The following GRIK1 variants were observed in gnomAD, a reference collection of about 807,000 sequenced individuals.
GRIK1 encodes the protein glutamate ionotropic receptor kainate type subunit 1.
GRIK1 carries 69 observed loss-of-function variants against 105.7 expected under a neutral mutation model. The observed-to-expected ratio is 0.65, with a 90% CI of 0.54 to 0.80. GRIK1 has a LOEUF of 0.80. Ranked by LOEUF, GRIK1 falls within the 30% of genes least tolerant of loss-of-function variation. The probability of loss-of-function intolerance (pLI) is 0.00; values close to 1 mark genes in which losing one functional copy is unlikely to be tolerated. For synonymous variants in GRIK1, 438 were observed against 431.3 expected (o/e 1.02, Z -0.19); for missense variants, 1,109 against 1,167.3 (o/e 0.95, Z 0.73).
Position 29,652,388 on chromosome 21 carries a change from C to T in GRIK1, c.781-1097G>A, listed in dbSNP as rs191988409. 1.6e-4 allele frequency among the ~76,000 whole-genome samples: 25 copies of T among 152,214 alleles called. No homozygotes were observed. In the South Asian group the frequency reaches 3.5e-3, roughly 21 times the overall value. ...TGAAAAGAACTCATATCTCATACAA[C>T]GAGGGCATGAAGAATGTTCGCTGAA... is the stretch of plus-strand genomic sequence containing the variant. On this transcript the variant is annotated intron_variant, in intron 5 of 17. Transcript: ENST00000327783.
In GRIK1 at chr21:29,844,134, A is replaced by G. The variant is rs144746121; in HGVS notation, c.118+95249T>C. 1.1e-3 allele frequency among the ~76,000 whole-genome samples: 174 copies of G among 152,170 alleles called. 1 individual carries two copies. Among genetic ancestry groups the G allele is most frequent in the African/African-American group, 4.0e-3 (168 of 41,510 alleles). ...CTTAATTTGATGTTTGCTGTAATAGATATCTTTGTCATTGCATTTTTTTTC... is the reference window on the plus strand; with the variant it reads ...CTTAATTTGATGTTTGCTGTAATAGGTATCTTTGTCATTGCATTTTTTTTC... On this transcript the variant is annotated intron_variant, in intron 1 of 17. Transcript: ENST00000327783.
intron 1 of GRIK1, among the ~76,000 whole-genome samples, chr21:29,779,494 GGT>G (rs3054349): frequency 0.54 from 80,520 of 147,826 alleles, 21,772 homozygotes; most frequent in Middle Eastern, 0.63. Context: ...GCCCTTTTAT[GGT>G]GTGTGTGTGT....
chr21:29,738,862 A>G (rs902157410), intron 1 of GRIK1, among the ~76,000 whole-genome samples: 2 of 152,230 alleles, frequency 1.3e-5, no homozygotes, highest in Non-Finnish European at 2.9e-5. Context: ...GAAACTAGAT[A>G]TTGCTCTTGG....
chr21:29,656,433 T>A (rs1351475863), intron 4 of GRIK1, among the ~76,000 whole-genome samples: 1 of 147,506 alleles, frequency 6.8e-6, no homozygotes, highest in African/African-American at 2.5e-5. Context: ...CCAAGGTAGT[T>A]TTCCGCACAA....
intron 7 of GRIK1, among the ~76,000 whole-genome samples, chr21:29,620,083 C>T (rs1487837735): frequency 2.6e-5 from 4 of 152,142 alleles, no homozygotes; most frequent in African/African-American, 4.8e-5. Flanking sequence ...AGCTTGGCTC[C>T]TTATAAAGAT....
chr21:29,775,578 T>C (rs76350204), intron 1 of GRIK1, among the ~76,000 whole-genome samples: 4,784 of 152,202 alleles, frequency 0.031, 121 homozygotes, highest in Middle Eastern at 0.071. Context: ...TGAACTTCCC[T>C]TCTTCCAAAC....
intron 1 of GRIK1, among the ~76,000 whole-genome samples, chr21:29,804,517 A>G (rs1236284571): frequency 6.6e-6 from 1 of 152,200 alleles, no homozygotes. Context: ...TACAATGAAT[A>G]TAGAAGAAGC....
chr21:29,602,109 G>T (rs985841947), intron 7 of GRIK1, among the ~76,000 whole-genome samples: 1 of 152,076 alleles, frequency 6.6e-6, no homozygotes, highest in Non-Finnish European at 1.5e-5. Flanking sequence ...GAGTCATTTT[G>T]TCCCTTTTTT....
chr21:29,642,890 G>A lies in GRIK1; in HGVS notation c.1034C>T (p.Ser345Phe). 6.2e-7 allele frequency: 1 copy of A among 1,613,908 alleles called. No individual in the cohort carries two copies. The highest frequency in any genetic ancestry group is 1.1e-5 in the South Asian group (1 of 91,082). ...TGGCTTATGTCTATGGCACTGCAGG[G>A]AGCTGACGGTCAGCTGGGATGCCCG... ...SHRASQLTVS[S>F]LQCHRHKPWR... is the part of the protein sequence containing the mutation. The change falls in exon 7 of 18, where the codon TCC (serine) becomes TTC (phenylalanine). Residue 345 changes from serine (S) to phenylalanine (F), a missense_variant. Transcript: ENST00000327783.
Position 29,620,498 on chromosome 21 carries a change from G to A in GRIK1, c.1099-21561C>T, listed in dbSNP as rs562681382. 1.6e-4 allele frequency among the ~76,000 whole-genome samples: 24 copies of A among 152,248 alleles called. No individual in the cohort carries two copies. The South Asian group carries it at 2.3e-3, about 14-fold the overall frequency. Reference sequence around the variant, plus strand: ...TAAACTTCATTGAAATAGAGGACATGCTGTACCCTTTGAGGGCAAAGCACT... The same window carrying A: ...TAAACTTCATTGAAATAGAGGACATACTGTACCCTTTGAGGGCAAAGCACT... On this transcript the variant is annotated intron_variant, in intron 7 of 17. Coordinates refer to ENST00000327783, the MANE Select transcript of GRIK1 (RefSeq NM_001330994.2).
intron 1 of GRIK1, among the ~76,000 whole-genome samples, chr21:29,750,869 C>T (rs1305096594): frequency 6.6e-6 from 1 of 152,154 alleles, no homozygotes; most frequent in Non-Finnish European, 1.5e-5. Flanking sequence ...ACCAAACAGG[C>T]TTTGTGTGAG....
chr21:29,849,026 A>G (rs1038010696), intron 1 of GRIK1, among the ~76,000 whole-genome samples: 3 of 151,958 alleles, frequency 2.0e-5, no homozygotes, highest in Admixed American at 1.3e-4. Flanking sequence ...TTGTTAACCA[A>G]GGTCTACAAA....
At chr21:29,681,349 C>T (rs1223729026) in intron 3 of GRIK1, among the ~76,000 whole-genome samples, 1 of 152,166 alleles carries the variant, frequency 6.6e-6, no homozygotes, top group Non-Finnish European at 1.5e-5. Flanking sequence ...TTTACAAAGT[C>T]TTGCATGACC....
intron 1 of GRIK1, among the ~76,000 whole-genome samples, chr21:29,829,959 G>A (rs2067579629): frequency 6.6e-6 from 1 of 152,048 alleles, no homozygotes; most frequent in Non-Finnish European, 1.5e-5. Flanking sequence ...AAAAAAAAAT[G>A]TGTTGCTTCT....
intron 3 of GRIK1, 76 bp downstream of exon 3, chr21:29,689,652 T>A: frequency 7.6e-7 from 1 of 1,312,842 alleles, no homozygotes. Flanking sequence ...CTGATGAGTT[T>A]AATGACTATT....
intron 1 of GRIK1, among the ~76,000 whole-genome samples, chr21:29,841,675 AC>A (rs1569150243): frequency 6.6e-6 from 1 of 152,188 alleles, no homozygotes; most frequent in Non-Finnish European, 1.5e-5. Context: ...GTCAGGCTTC[AC>A]TATATGCCAC....
At chr21:29,835,349 TGA>T (rs1317588688) in intron 1 of GRIK1, among the ~76,000 whole-genome samples, 1 of 152,184 alleles carries the variant, frequency 6.6e-6, no homozygotes, top group Non-Finnish European at 1.5e-5. Flanking sequence ...AGAAGTTTTT[TGA>T]GAGGCGTGGC....
At chr21:29,705,300 A>G (rs1003988840) in intron 1 of GRIK1, among the ~76,000 whole-genome samples, 3 of 152,132 alleles carry the variant, frequency 2.0e-5, no homozygotes, top group Non-Finnish European at 1.5e-5. Context: ...ATACATAGAG[A>G]GTTTAGTGGT....
At chr21:29,630,754 TTG>T (rs140883938) in intron 7 of GRIK1, 1,167 of 361,830 alleles carry the variant, frequency 3.2e-3, no homozygotes, top group Middle Eastern at 6.1e-3. Flanking sequence ...CATCCCTAGT[TTG>T]TGTGTGTGTG....
Sources: gnomAD v4.1 joint callset for allele counts (sites outside exome capture counted in the v4.1 genomes callset) on GRCh38, gnomAD v4.1.1 for gene constraint, MANE v1.5 for transcripts, NCBI Gene and HGNC (gene_info 2026-07-23, HGNC 2026-07-21) for gene names.